Variants in PCDH15 observed in about 807,000 individuals in gnomAD.
PCDH15 encodes the protein protocadherin related 15, also known as protocadherin-15.
Under a neutral mutation model 178.5 loss-of-function variants are expected in PCDH15, and 129 were observed. The ratio of observed to expected loss-of-function variants is 0.72; its 90% CI spans 0.63 to 0.84. The LOEUF is 0.84. Ranked by LOEUF, PCDH15 falls within the 40% of genes least tolerant of loss-of-function variation. The pLI is 0.00. For missense variants in PCDH15, 2,230 were observed against 2,099.9 expected (o/e 1.06, Z -1.21); for synonymous variants, 800 against 732.0 (o/e 1.09, Z -1.50).
intron 3 of PCDH15, among the ~76,000 whole-genome samples, chr10:54,469,524 A>AGGT: frequency 6.6e-6 from 1 of 152,268 alleles, no homozygotes; most frequent in South Asian, 2.1e-4. Flanking sequence ...ACATACATGC[A>AGGT]GGTGGTGGTG....
chr10:55,546,134 T>A (rs1430130896), intron 2 of PCDH15, among the ~76,000 whole-genome samples: 1 of 152,150 alleles, frequency 6.6e-6, no homozygotes, highest in Non-Finnish European at 1.5e-5. Context: ...ACCCACAACA[T>A]TTTTATTAAA....
intron 1 of PCDH15, among the ~76,000 whole-genome samples, chr10:55,232,842 C>T (rs1841264455): frequency 6.6e-6 from 1 of 152,098 alleles, no homozygotes; most frequent in Admixed American, 6.6e-5. Flanking sequence ...AGCTCCAAAG[C>T]CTAGTCTGTC....
chr10:55,144,270 GA>G (rs375219689), intron 2 of PCDH15, among the ~76,000 whole-genome samples: 1,458 of 37,400 alleles, frequency 0.039, 17 homozygotes, highest in African/African-American at 0.075. Context: ...TTACGGCTGA[GA>G]AAAAAAAAAA....
chr10:54,831,087 A>G (rs1034796066), intron 3 of PCDH15, among the ~76,000 whole-genome samples: 35 of 152,244 alleles, frequency 2.3e-4, no homozygotes, highest in Non-Finnish European at 1.0e-4. Flanking sequence ...ATTTGTACCT[A>G]GTGCTTAATT....
chr10:55,379,540 A>G (rs1269078645), intron 2 of PCDH15, among the ~76,000 whole-genome samples: 1 of 152,058 alleles, frequency 6.6e-6, no homozygotes, highest in Non-Finnish European at 1.5e-5. Flanking sequence ...ATTCCCTTTA[A>G]AAACACTACT....
chr10:53,837,368 CAAA>C, intron 29 of PCDH15, among the ~76,000 whole-genome samples: 1 of 151,696 alleles, frequency 6.6e-6, no homozygotes, highest in East Asian at 1.9e-4. Flanking sequence ...TTCAGGTAAC[CAAA>C]AATAAAAAAA....
rs560685630 is a variant in PCDH15 at position 55,354,320 on chromosome 10, G to T, written c.-155-187669C>A. On this transcript the variant is annotated intron_variant, in intron 2 of 5. Transcript: ENST00000613346. ...AGTGAGAGTCAAATATAAAATGTTT[G>T]GTTTGTGTCACACATTGAGCTTAAT... 2.0e-5 allele frequency among the ~76,000 whole-genome samples: 3 copies of T among 152,102 alleles called. No homozygotes were observed. In the East Asian group the frequency reaches 5.8e-4, roughly 29 times the overall value.
intron 2 of PCDH15, among the ~76,000 whole-genome samples, chr10:55,558,905 G>A (rs1217333860): frequency 6.6e-6 from 1 of 152,016 alleles, no homozygotes; most frequent in Non-Finnish European, 1.5e-5. Context: ...GTACAGATAC[G>A]TGAAAAAATA....
chr10:53,854,527 A>G (rs1214718417), intron 28 of PCDH15, among the ~76,000 whole-genome samples: 1 of 151,990 alleles, frequency 6.6e-6, no homozygotes, highest in African/African-American at 2.4e-5. Context: ...TCCAATTTTC[A>G]TGAAGAATAA....
chr10:54,094,109 G>A (rs1292107840), intron 15 of PCDH15, among the ~76,000 whole-genome samples: 2 of 152,038 alleles, frequency 1.3e-5, no homozygotes, highest in African/African-American at 4.8e-5. Flanking sequence ...CTCAGACAAT[G>A]CACTCAAGTA....
chr10:55,254,144 A>G (rs1469564008), intron 1 of PCDH15, among the ~76,000 whole-genome samples: 2 of 152,212 alleles, frequency 1.3e-5, no homozygotes, highest in African/African-American at 4.8e-5. Flanking sequence ...TTTGATGCAT[A>G]TTGATGTAAC....
chr10:53,951,867 G>A (rs2087088278), intron 23 of PCDH15, among the ~76,000 whole-genome samples: 1 of 152,160 alleles, frequency 6.6e-6, no homozygotes. Context: ...AGTGAGTGTG[G>A]GGTCCACCAC....
intron 2 of PCDH15, among the ~76,000 whole-genome samples, chr10:54,598,194 C>T (rs1039617493): frequency 1.8e-4 from 27 of 152,144 alleles, no homozygotes; most frequent in African/African-American, 6.5e-4. Context: ...GAACTTTAGG[C>T]CAATATACTT....
At chr10:53,952,721 C>T (rs535496772) in intron 23 of PCDH15, among the ~76,000 whole-genome samples, 1 of 152,200 alleles carries the variant, frequency 6.6e-6, no homozygotes, top group Non-Finnish European at 1.5e-5. Flanking sequence ...CTGTTTGTGC[C>T]CAAGAGGTTC....
At chr10:54,170,265 C>T (rs1335478081) in intron 13 of PCDH15, among the ~76,000 whole-genome samples, 3 of 68,666 alleles carry the variant, frequency 4.4e-5, no homozygotes, top group South Asian at 6.1e-4. Flanking sequence ...GCAACTTCTA[C>T]AAAACAACAA....
intron 2 of PCDH15, among the ~76,000 whole-genome samples, chr10:55,338,432 G>C (rs764444258): frequency 6.6e-6 from 1 of 152,112 alleles, no homozygotes; most frequent in Non-Finnish European, 1.5e-5. Context: ...TAAATAGCAG[G>C]TAGTACACAT....
At chr10:54,427,877 C>T (rs1956486933) in intron 3 of PCDH15, among the ~76,000 whole-genome samples, 1 of 152,102 alleles carries the variant, frequency 6.6e-6, no homozygotes, top group African/African-American at 2.4e-5. Context: ...TGTGTAGCTA[C>T]AATTGCTCAG....
chr10:54,768,586 A>C (rs1391145180), intron 1 of PCDH15, among the ~76,000 whole-genome samples: 1 of 152,132 alleles, frequency 6.6e-6, no homozygotes. Flanking sequence ...CCATTTTGAA[A>C]AATTGGAAAA....
chr10:54,719,127 A>G (rs2095515341), intron 1 of PCDH15, among the ~76,000 whole-genome samples: 1 of 109,572 alleles, frequency 9.1e-6, no homozygotes, highest in Non-Finnish European at 2.1e-5. Flanking sequence ...AAGAAATCAG[A>G]AGAACAATTC....
Sources: gnomAD v4.1 joint callset for allele counts (sites outside exome capture counted in the v4.1 genomes callset) on GRCh38, gnomAD v4.1.1 for gene constraint, MANE v1.5 for transcripts, NCBI Gene and HGNC (gene_info 2026-07-23, HGNC 2026-07-21) for gene names.